Variants in DTWD2 observed in about 807,000 individuals in gnomAD.
The protein encoded by DTWD2 is DTW motif tRNA-uridine aminocarboxypropyltransferase 2.
DTWD2 carries 39 observed loss-of-function variants against 31.8 expected under a neutral mutation model. The observed-to-expected ratio is 1.22, with a 90% CI of 0.95 to 1.60. The LOEUF is 1.60. Among genes scored for constraint, DTWD2 ranks in the 40% most tolerant of loss-of-function variants. The pLI is 0.00. For missense variants in DTWD2, 515 were observed against 381.5 expected (o/e 1.35, Z -2.92); for synonymous variants, 180 against 142.8 (o/e 1.26, Z -1.86).
chr5:118,891,481 G>A (rs1194077646), intron 4 of DTWD2, among the ~76,000 whole-genome samples: 2 of 152,140 alleles, frequency 1.3e-5, no homozygotes, highest in African/African-American at 2.4e-5. Flanking sequence ...GACAGCTGTG[G>A]TAAGAAAGTC....
At chr5:118,918,397 G>T (rs1753627125) in intron 4 of DTWD2, among the ~76,000 whole-genome samples, 1 of 151,102 alleles carries the variant, frequency 6.6e-6, no homozygotes, top group South Asian at 2.1e-4. Context: ...CACGATCTCG[G>T]CTCATTGCAA....
At chr5:118,959,433 G>A (rs1580438140) in intron 1 of DTWD2, among the ~76,000 whole-genome samples, 1 of 152,226 alleles carries the variant, frequency 6.6e-6, no homozygotes, top group East Asian at 1.9e-4. Flanking sequence ...ACAAAGCACT[G>A]CTCAAAGAAA....
intron 1 of DTWD2, among the ~76,000 whole-genome samples, chr5:118,961,488 T>C (rs1754705209): frequency 6.6e-6 from 1 of 152,150 alleles, no homozygotes. Context: ...TTTTGTATTA[T>C]CCCAGCTGTG....
chr5:118,903,211 C>T (rs1242220520), intron 4 of DTWD2, among the ~76,000 whole-genome samples: 1 of 150,382 alleles, frequency 6.6e-6, no homozygotes, highest in Non-Finnish European at 1.5e-5. Context: ...TACAAGGTTT[C>T]TCTGGGAAAC....
intron 1 of DTWD2, among the ~76,000 whole-genome samples, chr5:118,965,405 G>A (rs1031643085): frequency 3.4e-5 from 5 of 149,056 alleles, no homozygotes; most frequent in East Asian, 1.9e-4. Context: ...CTGCCCGGCC[G>A]CCACCCCGTC....
chr5:118,878,009 G>A (rs529789362), intron 4 of DTWD2, among the ~76,000 whole-genome samples: 26 of 152,126 alleles, frequency 1.7e-4, no homozygotes, highest in Middle Eastern at 3.4e-3. Context: ...TCTCTACAAG[G>A]AGAACTACAA....
chr5:118,868,884 T>G (rs570313123), intron 4 of DTWD2, among the ~76,000 whole-genome samples: 14 of 150,928 alleles, frequency 9.3e-5, no homozygotes, highest in Non-Finnish European at 1.9e-4. Context: ...GGGAGGAGAT[T>G]TTGGCTATGC....
At chr5:118,954,368 AC>A (rs1754538299) in intron 1 of DTWD2, among the ~76,000 whole-genome samples, 1 of 152,090 alleles carries the variant, frequency 6.6e-6, no homozygotes, top group Non-Finnish European at 1.5e-5. Flanking sequence ...GCATTTTACT[AC>A]TATTTGACAT....
At chr5:118,899,988 A>G (rs1027333708) in intron 4 of DTWD2, among the ~76,000 whole-genome samples, 3 of 151,896 alleles carry the variant, frequency 2.0e-5, no homozygotes, top group African/African-American at 7.3e-5. Context: ...TTTTTGGTAG[A>G]GAGGGGATTT....
intron 4 of DTWD2, among the ~76,000 whole-genome samples, chr5:118,893,321 A>G (rs1422089345): frequency 6.7e-6 from 1 of 148,310 alleles, no homozygotes; most frequent in African/African-American, 2.5e-5. Context: ...AGATCGCACC[A>G]CTGCACTCTA....
At chr5:118,912,790 G>C (rs963728646) in intron 4 of DTWD2, among the ~76,000 whole-genome samples, 1 of 152,120 alleles carries the variant, frequency 6.6e-6, no homozygotes, top group Non-Finnish European at 1.5e-5. Flanking sequence ...GAGAAAAACA[G>C]TAGAATTCAC....
chr5:118,921,340 C>G (rs1341138469), intron 4 of DTWD2, among the ~76,000 whole-genome samples: 1 of 151,864 alleles, frequency 6.6e-6, no homozygotes, highest in Non-Finnish European at 1.5e-5. Context: ...GGCGAGACCC[C>G]TTCTCTTAAA....
intron 3 of DTWD2, among the ~76,000 whole-genome samples, chr5:118,932,345 G>C (rs1007184940): frequency 5.4e-5 from 8 of 149,002 alleles, no homozygotes; most frequent in African/African-American, 2.0e-4. Context: ...AAAAAAGCTA[G>C]AGAAAGACGA....
At chr5:118,935,567 TG>T (rs1193252119) in intron 3 of DTWD2, among the ~76,000 whole-genome samples, 1 of 152,164 alleles carries the variant, frequency 6.6e-6, no homozygotes, top group African/African-American at 2.4e-5. Flanking sequence ...CTCACATATT[TG>T]GGGGTCTCGG....
chr5:118,938,024 C>T (rs914248253), intron 3 of DTWD2, among the ~76,000 whole-genome samples: 3 of 152,110 alleles, frequency 2.0e-5, no homozygotes, highest in Non-Finnish European at 4.4e-5. Context: ...TACATCAAAA[C>T]ATCACACTGT....
chr5:118,975,219 G>A (rs556522069), intron 1 of DTWD2, among the ~76,000 whole-genome samples: 24 of 152,010 alleles, frequency 1.6e-4, no homozygotes, highest in African/African-American at 4.3e-4. Context: ...GGCTTTGTTC[G>A]TTCCTTTTCA....
At chr5:118,847,945 A>C in intron 5 of DTWD2, 145 bp downstream of exon 5, 1 of 843,888 alleles carries the variant, frequency 1.2e-6, no homozygotes, top group Non-Finnish European at 1.7e-6. Flanking sequence ...CAGAGAGGAA[A>C]CAAGGTTATA....
intron 3 of DTWD2, among the ~76,000 whole-genome samples, chr5:118,935,618 C>T (rs1436651321): frequency 6.6e-6 from 1 of 152,072 alleles, no homozygotes; most frequent in Non-Finnish European, 1.5e-5. Flanking sequence ...GACACCACAG[C>T]AGAGGAAAAA....
intron 4 of DTWD2, among the ~76,000 whole-genome samples, chr5:118,893,247 A>G (rs1038847796): frequency 2.6e-5 from 4 of 151,426 alleles, no homozygotes; most frequent in Non-Finnish European, 5.9e-5. Flanking sequence ...CTGTGGTCCA[A>G]CTACTTGGGA....
Sources: allele counts gnomAD v4.1 joint callset (sites outside exome capture counted in the v4.1 genomes callset), GRCh38; gene constraint gnomAD v4.1.1; transcripts MANE v1.5; gene names NCBI Gene and HGNC (gene_info 2026-07-23, HGNC 2026-07-21).